The following DPF3 variants were observed in gnomAD, a reference collection of about 807,000 sequenced individuals.
DPF3 encodes the protein zinc finger protein DPF3.
DPF3 carries 18 observed loss-of-function variants against 56.8 expected under a neutral mutation model. The ratio of observed to expected loss-of-function variants is 0.32; its 90% CI spans 0.22 to 0.47. The LOEUF (loss-of-function observed/expected upper bound fraction) is 0.47, where lower values mean the gene tolerates loss of function less well. DPF3 is among the 20% of genes least tolerant of loss of function. The pLI, the probability that DPF3 is intolerant of heterozygous loss-of-function variation, is 1.00. For missense variants in DPF3, 403 were observed against 488.8 expected (o/e 0.82, Z 1.65); for synonymous variants, 188 against 180.2 (o/e 1.04, Z -0.35).
intron 1 of DPF3, among the ~76,000 whole-genome samples, chr14:72,842,488 C>G (rs1884586763): frequency 6.6e-6 from 1 of 152,162 alleles, no homozygotes; most frequent in Non-Finnish European, 1.5e-5. Context: ...AGTGAACGTG[C>G]TAGAAGATTC....
chr14:72,705,032 A>G (rs1039684114), intron 6 of DPF3, among the ~76,000 whole-genome samples: 4 of 152,132 alleles, frequency 2.6e-5, no homozygotes, highest in Admixed American at 1.3e-4. Context: ...ATTACCACGG[A>G]CCATGCAGGC....
intron 4 of DPF3, among the ~76,000 whole-genome samples, chr14:72,726,996 G>A (rs930867579): frequency 2.0e-5 from 3 of 152,088 alleles, no homozygotes; most frequent in South Asian, 2.1e-4. Flanking sequence ...ACAAATTCAC[G>A]GCCCTGATCA....
chr14:72,635,322 T>TA (rs1820074829), intron 8 of DPF3, among the ~76,000 whole-genome samples: 1 of 152,002 alleles, frequency 6.6e-6, no homozygotes, highest in Admixed American at 6.6e-5. Flanking sequence ...CTGAGCTCAG[T>TA]AAAAAAGGAA....
intron 1 of DPF3, among the ~76,000 whole-genome samples, chr14:72,845,379 T>C (rs1884708958): frequency 6.6e-6 from 1 of 151,814 alleles, no homozygotes; most frequent in Non-Finnish European, 1.5e-5. Context: ...GTCCAAGAGG[T>C]CAGCTGAAGT....
intron 1 of DPF3, among the ~76,000 whole-genome samples, chr14:72,816,139 C>T (rs991546477): frequency 5.3e-5 from 8 of 152,132 alleles, no homozygotes; most frequent in African/African-American, 1.9e-4. Flanking sequence ...CTGCCTTGAC[C>T]GTGGATAGTC....
At chr14:72,707,775 G>A (rs1888469934) in intron 6 of DPF3, among the ~76,000 whole-genome samples, 1 of 150,814 alleles carries the variant, frequency 6.6e-6, no homozygotes, top group Admixed American at 6.6e-5. Flanking sequence ...TTATCTCCAA[G>A]GAGTGAGATT....
chr14:72,782,597 G>A (rs1892025125), intron 1 of DPF3, among the ~76,000 whole-genome samples: 1 of 152,194 alleles, frequency 6.6e-6, no homozygotes, highest in Non-Finnish European at 1.5e-5. Flanking sequence ...CACTTTGGGA[G>A]GCTGAGGTGG....
intron 1 of DPF3, among the ~76,000 whole-genome samples, chr14:72,845,856 C>A (rs1197620044): frequency 6.6e-6 from 1 of 152,070 alleles, no homozygotes; most frequent in Non-Finnish European, 1.5e-5. Context: ...AACATGATAC[C>A]CCCTGCAGAT....
chr14:72,852,434 G>A (rs1018942527), intron 1 of DPF3, among the ~76,000 whole-genome samples: 2 of 152,068 alleles, frequency 1.3e-5, no homozygotes, highest in African/African-American at 2.4e-5. Flanking sequence ...TCTGGTAACC[G>A]CCCCCAACAC....
intron 7 of DPF3, among the ~76,000 whole-genome samples, chr14:72,680,557 C>T (rs1331249831): frequency 2.0e-5 from 3 of 152,242 alleles, no homozygotes; most frequent in African/African-American, 7.2e-5. Flanking sequence ...CTGAGGACAC[C>T]GTGAATATAT....
intron 1 of DPF3, chr14:72,836,152 A>G: frequency 1.0e-6 from 1 of 986,118 alleles, no homozygotes; most frequent in Non-Finnish European, 1.2e-6. Flanking sequence ...GAGGCTGATC[A>G]TTGTGTTCTC....
intron 6 of DPF3, among the ~76,000 whole-genome samples, chr14:72,702,055 T>TG (rs1327051367): frequency 6.6e-6 from 1 of 152,188 alleles, no homozygotes; most frequent in Non-Finnish European, 1.5e-5. Context: ...AAACTGAGTC[T>TG]GGGGGAGTTT....
At chr14:72,706,264 C>T (rs756339277) in intron 6 of DPF3, among the ~76,000 whole-genome samples, 1 of 152,206 alleles carries the variant, frequency 6.6e-6, no homozygotes, top group Non-Finnish European at 1.5e-5. Flanking sequence ...CCCTAAGGGC[C>T]TTCTTGGCAT....
chr14:72,695,661 G>A (rs905417718), intron 6 of DPF3, among the ~76,000 whole-genome samples: 11 of 152,070 alleles, frequency 7.2e-5, no homozygotes, highest in African/African-American at 1.2e-4. Context: ...ACACACAGAC[G>A]TAAAGATGGA....
chr14:72,887,871 A>G (rs1436801325), intron 1 of DPF3, among the ~76,000 whole-genome samples: 1 of 152,204 alleles, frequency 6.6e-6, no homozygotes, highest in Non-Finnish European at 1.5e-5. Context: ...GACGGGTTTC[A>G]TCAATAGCAG....
chr14:72,731,196 AG>A (rs199499547), intron 4 of DPF3, among the ~76,000 whole-genome samples: 2 of 149,806 alleles, frequency 1.3e-5, no homozygotes, highest in African/African-American at 5.1e-5. Flanking sequence ...AAAAAGAAAA[AG>A]AAACGGTAGG....
chr14:72,845,831 C>T (rs1400685958), intron 1 of DPF3, among the ~76,000 whole-genome samples: 1 of 152,156 alleles, frequency 6.6e-6, no homozygotes, highest in Non-Finnish European at 1.5e-5. Flanking sequence ...CACATGACAC[C>T]TGCAGAAGAT....
At chr14:72,731,512 C>T in intron 4 of DPF3, 1 of 324,302 alleles carries the variant, frequency 3.1e-6, no homozygotes, top group Non-Finnish European at 5.8e-6. Context: ...TTTGTCCACT[C>T]TGTGTCCCTG....
At chr14:72,738,578 C>T (rs568151976) in intron 3 of DPF3, among the ~76,000 whole-genome samples, 1 of 151,990 alleles carries the variant, frequency 6.6e-6, no homozygotes, top group African/African-American at 2.4e-5. Flanking sequence ...GAGGGTGAGA[C>T]GGGGAGGGTG....
Sources: gnomAD v4.1 joint callset for allele counts (sites outside exome capture counted in the v4.1 genomes callset) on GRCh38, gnomAD v4.1.1 for gene constraint, MANE v1.5 for transcripts, NCBI Gene and HGNC (gene_info 2026-07-23, HGNC 2026-07-21) for gene names.